The following PUM1 variants were observed in gnomAD, a reference collection of about 807,000 sequenced individuals.
PUM1 encodes pumilio RNA binding family member 1.
In PUM1, 13 loss-of-function variants were observed where a neutral mutation model predicts 131.8. That is an observed-to-expected ratio of 0.10 (90% confidence interval 0.06 to 0.16). The LOEUF (loss-of-function observed/expected upper bound fraction) is 0.16, where lower values mean the gene tolerates loss of function less well. PUM1 is among the 10% of genes least tolerant of loss of function. The pLI, the probability that PUM1 is intolerant of heterozygous loss-of-function variation, is 1.00. For synonymous variants in PUM1, 509 were observed against 556.5 expected, an observed-to-expected ratio of 0.91 and a Z score of 1.20; for missense variants, 961 against 1,512.4, an observed-to-expected ratio of 0.64 and a Z score of 6.05.
rs899767175 is a variant in PUM1, at chr1:30,932,488, G to C, written c.*723C>G. The stretch of plus-strand genomic sequence containing the variant: ...CAGTAGGCAGTAAACAATCACACCC[G>C]CCCAGCCTCAAAAGACGTTCTGGGT... On this transcript the variant is annotated 3_prime_UTR_variant, in exon 22 of 22. Coordinates refer to ENST00000426105, the MANE Select transcript of PUM1 (RefSeq NM_001020658.2). The C allele has an allele frequency of 6.6e-6, 1 of 151,452 alleles. No individual in the cohort carries two copies. Among genetic ancestry groups the C allele is most frequent in the Admixed American group, 6.6e-5 (1 of 15,188 alleles). The allele number at this position is 151,452 out of a possible 1,614,324, so 9.4% of individuals were successfully genotyped here.
intron 14 of PUM1, among the ~76,000 whole-genome samples, chr1:30,959,440 C>T (rs1466945919): frequency 6.6e-6 from 1 of 152,084 alleles, no homozygotes; most frequent in East Asian, 1.9e-4. Context: ...GGATTAATAT[C>T]TGAAAATCAA....
At chr1:30,954,202 C>T (rs908969476) in intron 14 of PUM1, among the ~76,000 whole-genome samples, 8 of 152,128 alleles carry the variant, frequency 5.3e-5, no homozygotes, top group African/African-American at 1.7e-4. Flanking sequence ...ATGCTTTTAC[C>T]GTTGATGGTA....
chr1:30,965,741 TA>T (rs1213546964), intron 13 of PUM1, among the ~76,000 whole-genome samples: 1 of 152,218 alleles, frequency 6.6e-6, no homozygotes, highest in Non-Finnish European at 1.5e-5. Context: ...AAATCTTCCC[TA>T]GATTTCAAAT....
intron 14 of PUM1, among the ~76,000 whole-genome samples, chr1:30,954,431 A>C (rs1640067199): frequency 6.6e-6 from 1 of 152,168 alleles, no homozygotes; most frequent in South Asian, 2.1e-4. Context: ...CACTCTAAAA[A>C]ATCAGGCATC....
At chr1:30,959,338 C>T (rs1640307543) in intron 14 of PUM1, among the ~76,000 whole-genome samples, 1 of 152,174 alleles carries the variant, frequency 6.6e-6, no homozygotes, top group Admixed American at 6.5e-5. Context: ...AACACACATC[C>T]TTCATTAATA....
chr1:31,015,196 A>C (rs1033193485), intron 3 of PUM1, among the ~76,000 whole-genome samples: 1 of 152,238 alleles, frequency 6.6e-6, no homozygotes, highest in Non-Finnish European at 1.5e-5. Flanking sequence ...ATTGTGGATT[A>C]CTTAATTCAA....
At chr1:30,941,950 G>A (rs778603530) in intron 19 of PUM1, 48 bp downstream of exon 19, 2 of 1,477,684 alleles carry the variant, frequency 1.4e-6, no homozygotes, top group Non-Finnish European at 1.8e-6. Flanking sequence ...CTCTGGCCCT[G>A]CACAAGCCCA....
chr1:31,043,816 T>C (rs1014038205), intron 2 of PUM1, among the ~76,000 whole-genome samples: 2 of 152,196 alleles, frequency 1.3e-5, no homozygotes, highest in Non-Finnish European at 2.9e-5. Context: ...AATGTGTGGC[T>C]TGGAAAAATT....
At chr1:31,032,360 G>A (rs555536603) in intron 2 of PUM1, among the ~76,000 whole-genome samples, 7 of 152,120 alleles carry the variant, frequency 4.6e-5, no homozygotes, top group African/African-American at 4.8e-5. Flanking sequence ...TTTTAGAAGG[G>A]AGAAGTATTT....
At chr1:30,949,767 T>TA (rs894779501) in intron 17 of PUM1, among the ~76,000 whole-genome samples, 9 of 151,228 alleles carry the variant, frequency 6.0e-5, no homozygotes, top group African/African-American at 2.2e-4. Flanking sequence ...AGAGAAGGAG[T>TA]AAAAAAATAT....
At chr1:30,953,066 A>T (rs1417164492) in intron 15 of PUM1, among the ~76,000 whole-genome samples, 2 of 152,190 alleles carry the variant, frequency 1.3e-5, no homozygotes, top group African/African-American at 4.8e-5. Context: ...GCCTTTTTTT[A>T]GTCCAAATGA....
At chr1:31,048,526 G>A (rs970204124) in intron 2 of PUM1, among the ~76,000 whole-genome samples, 4 of 150,712 alleles carry the variant, frequency 2.7e-5, no homozygotes, top group Non-Finnish European at 5.9e-5. Flanking sequence ...CCAGGCTGGA[G>A]TGCAATGGTG....
At chr1:31,054,653 T>C (rs1644197115) in intron 2 of PUM1, among the ~76,000 whole-genome samples, 1 of 151,934 alleles carries the variant, frequency 6.6e-6, no homozygotes, top group African/African-American at 2.4e-5. Flanking sequence ...ACATTACCAC[T>C]TAGAACACAT....
In PUM1 at chr1:31,045,228, G is replaced by A. The variant is rs534008769; in HGVS notation, c.363+13976C>T. Among the ~76,000 whole-genome samples the A allele has an allele frequency of 6.5e-4, 99 of 152,024 alleles. 1 individual carries two copies. Among genetic ancestry groups the A allele is most frequent in the African/African-American group, 2.2e-3 (90 of 41,446 alleles). ...TTCACTGTAACCTCCGCCCCGACAG[G>A]GTTCAGGCGATTCTCCTGCCTCGGC... On this transcript the variant is annotated intron_variant, in intron 2 of 21. Coordinates refer to ENST00000426105, the MANE Select transcript of PUM1 (RefSeq NM_001020658.2).
At chr1:31,059,637 T>C in intron 1 of PUM1, 60 bp from the exon 2 acceptor site, 22 of 1,505,736 alleles carry the variant, frequency 1.5e-5, no homozygotes, top group Non-Finnish European at 1.9e-5. Context: ...TAAAACACAC[T>C]AAGATAAAAA....
chr1:31,037,969 C>G (rs923020805), intron 2 of PUM1, among the ~76,000 whole-genome samples: 7 of 151,494 alleles, frequency 4.6e-5, no homozygotes, highest in Middle Eastern at 3.4e-3. Context: ...GTCCCAGCTA[C>G]TTGGGAGGCT....
chr1:30,978,533 A>C (rs907899331), intron 9 of PUM1, among the ~76,000 whole-genome samples: 2 of 152,262 alleles, frequency 1.3e-5, no homozygotes, highest in Non-Finnish European at 2.9e-5. Flanking sequence ...AAAAAATCTA[A>C]GAAATGCTAG....
intron 20 of PUM1, among the ~76,000 whole-genome samples, chr1:30,940,128 T>C (rs1183278706): frequency 2.0e-5 from 3 of 152,196 alleles, no homozygotes; most frequent in Non-Finnish European, 4.4e-5. Context: ...ACAGGTACTT[T>C]CATTTCTTTT....
chr1:31,055,155 G>C (rs556855439), intron 2 of PUM1, among the ~76,000 whole-genome samples: 1 of 152,064 alleles, frequency 6.6e-6, no homozygotes, highest in Non-Finnish European at 1.5e-5. Flanking sequence ...CCTCCTATCC[G>C]TAACAGTGGC....
Sources: gnomAD v4.1 joint callset for allele counts (sites outside exome capture counted in the v4.1 genomes callset) on GRCh38, gnomAD v4.1.1 for gene constraint, MANE v1.5 for transcripts, NCBI Gene and HGNC (gene_info 2026-07-23, HGNC 2026-07-21) for gene names.